DOCK4: variants seen among roughly 807,000 people sequenced by gnomAD.
DOCK4 encodes dedicator of cytokinesis protein 4.
DOCK4 carries 97 observed loss-of-function variants against 268.1 expected under a neutral mutation model. The ratio of observed to expected loss-of-function variants is 0.36; its 90% CI spans 0.31 to 0.43. DOCK4 has a LOEUF of 0.43. Among genes scored for constraint, DOCK4 ranks in the 20% least tolerant of loss-of-function variants. The pLI is 1.00. For synonymous variants in DOCK4, 954 were observed against 887.2 expected (o/e 1.08, Z -1.34); for missense variants, 2,145 against 2,455.7 (o/e 0.87, Z 2.67).
chr7:111,903,397 A>T (rs1395073666), intron 13 of DOCK4, among the ~76,000 whole-genome samples: 2 of 152,234 alleles, frequency 1.3e-5, no homozygotes, highest in Non-Finnish European at 2.9e-5. Context: ...ACTCTTATAC[A>T]GCTCATACAA....
intron 8 of DOCK4, among the ~76,000 whole-genome samples, chr7:111,973,014 C>A (rs1797846995): frequency 4.0e-5 from 6 of 151,596 alleles, no homozygotes. Context: ...TATAGCTTAG[C>A]TCCAACTTAT....
chr7:112,050,644 C>CAG (rs142683638), intron 1 of DOCK4, among the ~76,000 whole-genome samples: 8,073 of 150,546 alleles, frequency 0.054, 279 homozygotes, highest in East Asian at 0.19. Context: ...AAGAGTCTGA[C>CAG]AGAGAGAGAG....
At chr7:111,816,669 C>G (rs780320176) in intron 27 of DOCK4, among the ~76,000 whole-genome samples, 1 of 152,170 alleles carries the variant, frequency 6.6e-6, no homozygotes, top group Non-Finnish European at 1.5e-5. Context: ...GCCTTTTTTA[C>G]CACTGCATCC....
chr7:112,185,958 C>T (rs73192993), intron 1 of DOCK4, among the ~76,000 whole-genome samples: 15,370 of 152,288 alleles, frequency 0.1, 905 homozygotes, highest in Admixed American at 0.16. Context: ...TTAGGGCTGA[C>T]GGCTGAAGCC....
intron 1 of DOCK4, among the ~76,000 whole-genome samples, chr7:112,053,413 T>C (rs527316170): frequency 2.0e-5 from 3 of 152,278 alleles, no homozygotes; most frequent in Non-Finnish European, 4.4e-5. Flanking sequence ...AAAGGGTTTT[T>C]CTGTAAGAAA....
chr7:112,195,919 A>T (rs1361872276), intron 1 of DOCK4, among the ~76,000 whole-genome samples: 1 of 152,162 alleles, frequency 6.6e-6, no homozygotes, highest in Non-Finnish European at 1.5e-5. Context: ...CCCTCCCACG[A>T]GGGGGCACAA....
At chr7:112,119,310 C>G (rs1397274741) in intron 1 of DOCK4, among the ~76,000 whole-genome samples, 7 of 152,172 alleles carry the variant, frequency 4.6e-5, no homozygotes, top group Non-Finnish European at 1.0e-4. Context: ...GCCCCCACCC[C>G]ACTGTGGCAG....
At chr7:111,735,806 T>C (rs1046617231) in intron 50 of DOCK4, among the ~76,000 whole-genome samples, 4 of 152,184 alleles carry the variant, frequency 2.6e-5, no homozygotes, top group South Asian at 2.1e-4. Flanking sequence ...ATAGCCACTA[T>C]GCAATGAGGT....
At chr7:112,093,641 C>T (rs776957004) in intron 1 of DOCK4, among the ~76,000 whole-genome samples, 20 of 152,074 alleles carry the variant, frequency 1.3e-4, no homozygotes, top group Admixed American at 2.0e-4. Context: ...ATAAGCAAAG[C>T]GACCTTTCTG....
At chr7:111,918,666 C>T (rs1348355222) in intron 12 of DOCK4, among the ~76,000 whole-genome samples, 3 of 152,224 alleles carry the variant, frequency 2.0e-5, no homozygotes, top group Admixed American at 1.3e-4. Context: ...CACTTCTGTC[C>T]TTTTGCCTTC....
chr7:111,772,450 C>G (rs1355030378), intron 36 of DOCK4, among the ~76,000 whole-genome samples: 2 of 152,052 alleles, frequency 1.3e-5, no homozygotes, highest in East Asian at 3.9e-4. Flanking sequence ...TACCACTGAA[C>G]TGTACACTTA....
chr7:111,751,617 G>A (rs1796659036), intron 42 of DOCK4, among the ~76,000 whole-genome samples: 1 of 152,064 alleles, frequency 6.6e-6, no homozygotes, highest in Non-Finnish European at 1.5e-5. Context: ...GCTACTTTTT[G>A]TATTTTTTGT....
chr7:112,025,302 G>C lies in DOCK4; in HGVS notation c.38-21171C>G, dbSNP rs1036795233. Reference sequence around the variant, plus strand: ...GAGCTTCCAATTAGGCTCTATGCAAGGGAAATCACCACAAGCTCCAAGATT... The same window carrying C: ...GAGCTTCCAATTAGGCTCTATGCAACGGAAATCACCACAAGCTCCAAGATT... On this transcript the variant is annotated intron_variant, in intron 1 of 52. Transcript: ENST00000428084. Among the ~76,000 whole-genome samples the C allele has an allele frequency of 2.6e-5, 4 of 152,272 alleles. No individual in the cohort carries two copies. The South Asian group carries it at 8.3e-4, about 32-fold the overall frequency.
intron 16 of DOCK4, among the ~76,000 whole-genome samples, chr7:111,890,156 C>G (rs746247568): frequency 1.3e-5 from 2 of 152,182 alleles, no homozygotes; most frequent in Non-Finnish European, 2.9e-5. Flanking sequence ...TCAATCTCCT[C>G]AAGAGATTTG....
intron 27 of DOCK4, chr7:111,821,286 T>C (rs1303453024): frequency 1.3e-5 from 2 of 152,184 alleles, no homozygotes; most frequent in Non-Finnish European, 2.9e-5. Context: ...TACAGATAGA[T>C]GCTTAGAGAA....
intron 35 of DOCK4, among the ~76,000 whole-genome samples, chr7:111,780,501 CAAA>C (rs1585964456): frequency 6.6e-6 from 1 of 151,960 alleles, no homozygotes; most frequent in Non-Finnish European, 1.5e-5. Context: ...GCTTTGAGAA[CAAA>C]ACAAGCAATC....
chr7:112,045,695 T>C (rs1279061617), intron 1 of DOCK4, among the ~76,000 whole-genome samples: 45 of 152,206 alleles, frequency 3.0e-4, no homozygotes, highest in Non-Finnish European at 8.8e-5. Context: ...GAGGATATTC[T>C]TAAAATAACA....
chr7:111,771,716 G>A (rs754414071), intron 36 of DOCK4, among the ~76,000 whole-genome samples: 16 of 152,196 alleles, frequency 1.1e-4, no homozygotes, highest in Admixed American at 2.6e-4. Flanking sequence ...GAAACCCTAC[G>A]CATATTTTTG....
At chr7:111,796,077 T>G (rs1048416203) in intron 30 of DOCK4, among the ~76,000 whole-genome samples, 4 of 152,132 alleles carry the variant, frequency 2.6e-5, no homozygotes, top group African/African-American at 9.7e-5. Flanking sequence ...CCCCCTCCTT[T>G]AGCTGCACCC....
Sources: allele counts gnomAD v4.1 joint callset (sites outside exome capture counted in the v4.1 genomes callset), GRCh38; gene constraint gnomAD v4.1.1; transcripts MANE v1.5; gene names NCBI Gene and HGNC (gene_info 2026-07-23, HGNC 2026-07-21).